DNMT3A: variants seen among roughly 807,000 people sequenced by gnomAD.
DNMT3A encodes DNA methyltransferase 3 alpha, also known as DNA (cytosine-5)-methyltransferase 3A.
Under a neutral mutation model 117.6 loss-of-function variants are expected in DNMT3A, and 267 were observed. The ratio of observed to expected loss-of-function variants is 2.27; its 90% confidence interval spans 2.05 to 2.51. The LOEUF (loss-of-function observed/expected upper bound fraction) is 2.51, where lower values mean the gene tolerates loss of function less well. Ranked by LOEUF, DNMT3A falls within the 30% of genes most tolerant of loss-of-function variation. The pLI is 0.00. For synonymous variants in DNMT3A, 432 were observed against 474.8 expected (o/e 0.91, Z 1.17); for missense variants, 1,029 against 1,260.2 (o/e 0.82, Z 2.78).
rs1462197698 is a variant in DNMT3A, at chr2:25,296,780, G to A, written c.177+3359C>T. Among the ~76,000 whole-genome samples, 1 of 152,208 alleles carries A rather than the reference G, an allele frequency of 6.6e-6. No homozygotes were observed. The highest frequency in any genetic ancestry group is 1.5e-5 in the Non-Finnish European group (1 of 68,030). On this transcript the variant is annotated intron_variant, in intron 3 of 22. Transcript: ENST00000321117. This position sits in a 1 kb window ranked among gnomAD's most constrained non-coding sequence, Gnocchi z 4.2. ...TGAAGGCCAAGACAGACAGTCCTTG[G>A]GGGCAAAAGGAGGAGAGAGCCCAGG...
rs562237584 is a variant in DNMT3A, at chr2:25,327,691, C to G, written c.-177-13530G>C. On this transcript the variant is annotated intron_variant, in intron 1 of 22. Transcript: ENST00000321117. The surrounding 1 kb of genome is among the most constrained non-coding windows in gnomAD (Gnocchi z 4.1). Reference sequence around the variant, plus strand: ...AGACACCTGGGCATAAGTTAACATACGCCTCCTACTGCCAGGGGCTCCAGC... The same window carrying G: ...AGACACCTGGGCATAAGTTAACATAGGCCTCCTACTGCCAGGGGCTCCAGC... Among the ~76,000 whole-genome samples, 2 of 152,224 alleles carry G rather than the reference C, an allele frequency of 1.3e-5. No homozygotes were observed. Among genetic ancestry groups the G allele is most frequent in the African/African-American group, 4.8e-5 (2 of 41,442 alleles).
intron 3 of DNMT3A, among the ~76,000 whole-genome samples, chr2:25,297,386 C>T (rs550983251): frequency 2.0e-5 from 3 of 152,290 alleles, no homozygotes; most frequent in South Asian, 4.1e-4. Context: ...CGGGATGCGC[C>T]CCGCCTCCCA....
intron 1 of DNMT3A, among the ~76,000 whole-genome samples, chr2:25,320,033 G>A (rs1320537333): frequency 6.6e-6 from 1 of 152,216 alleles, no homozygotes; most frequent in Non-Finnish European, 1.5e-5. Flanking sequence ...GCCTCCCAAA[G>A]TCCTGGGATT....
rs1380382383 is a variant in DNMT3A at position 25,252,457 on chromosome 2, G to T, written c.640-4205C>A. The T allele has an allele frequency of 2.4e-6, 1 of 408,884 alleles. No homozygotes were observed. The allele number at this position is 408,884 out of a possible 1,614,324, so 25.3% of individuals were successfully genotyped here. ...AGGGGGCCGGCGCTCCGACGCTGGC[G>T]CTGGGCCAGCCCCTCTTCTCCGGTC... On this transcript the variant is annotated intron_variant, in intron 6 of 22. Coordinates refer to ENST00000321117, the MANE Select transcript of DNMT3A (RefSeq NM_022552.5). This position sits in a 1 kb window ranked among gnomAD's most constrained non-coding sequence, Gnocchi z 5.5.
At chr2:25,318,483 G>A (rs1202091484) in intron 1 of DNMT3A, among the ~76,000 whole-genome samples, 3 of 151,244 alleles carry the variant, frequency 2.0e-5, no homozygotes, top group Non-Finnish European at 4.4e-5. Context: ...GACAGCTTTC[G>A]CCATGTTGGC....
chr2:25,235,392 C>T (rs1177967052), intron 22 of DNMT3A, among the ~76,000 whole-genome samples: 2 of 151,980 alleles, frequency 1.3e-5, no homozygotes, highest in Admixed American at 1.3e-4. Context: ...GCCATGTTGG[C>T]CAGGCTGGTC....
intron 3 of DNMT3A, among the ~76,000 whole-genome samples, chr2:25,284,022 G>T (rs2149381732): frequency 6.6e-6 from 1 of 152,338 alleles, no homozygotes; most frequent in Non-Finnish European, 1.5e-5. Context: ...CCATCCAGAG[G>T]CAAGTGGGCC....
chr2:25,288,043 C>T (rs1478194752), intron 3 of DNMT3A, among the ~76,000 whole-genome samples: 1 of 151,542 alleles, frequency 6.6e-6, no homozygotes, highest in Non-Finnish European at 1.5e-5. Context: ...ACCATGTTGT[C>T]CAGGCTGGAT....
intron 20 of DNMT3A, among the ~76,000 whole-genome samples, chr2:25,238,399 C>T (rs1166056989): frequency 1.3e-5 from 2 of 152,152 alleles, no homozygotes; most frequent in African/African-American, 4.8e-5. Flanking sequence ...ACCAAGTATA[C>T]CAAGCAGCCC....
chr2:25,284,931 A>C (rs751344558), intron 3 of DNMT3A, among the ~76,000 whole-genome samples: 25 of 152,060 alleles, frequency 1.6e-4, no homozygotes, highest in Non-Finnish European at 3.2e-4. Context: ...TTGCTTTTTC[A>C]CTTAACAAGC....
intron 1 of DNMT3A, among the ~76,000 whole-genome samples, chr2:25,324,621 A>G (rs547169788): frequency 5.7e-4 from 87 of 152,228 alleles, no homozygotes; most frequent in Middle Eastern, 3.4e-3. Context: ...CCCCTGCCCA[A>G]TCATCTGCTA....
Position 25,282,364 on chromosome 2 carries a change from G to T in DNMT3A, c.448+77C>A, listed in dbSNP as rs1402773994. ...ACCCAGACCATCCTTCCTGGGACCT[G>T]CTGGAGAGCCAAGTCCCTGACTCTC... is the stretch of plus-strand genomic sequence containing the variant. On this transcript the variant is annotated intron_variant, in intron 4 of 22. Coordinates refer to ENST00000321117, the MANE Select transcript of DNMT3A (RefSeq NM_022552.5). This position sits in a 1 kb window ranked among gnomAD's most constrained non-coding sequence, Gnocchi z 5.2. 7 of 1,549,742 alleles carry T rather than the reference G, an allele frequency of 4.5e-6. 1 individual carries two copies. The highest frequency in any genetic ancestry group is 2.1e-4 in the Middle Eastern group (1 of 4,796).
At position 25,294,494 on chromosome 2, in the gene DNMT3A, G is replaced by T. The variant is rs547112392; in HGVS notation, c.177+5645C>A. 3.3e-5 allele frequency among the ~76,000 whole-genome samples: 5 copies of T among 152,258 alleles called. No homozygotes were observed. The South Asian group carries it at 1.0e-3, about 32-fold the overall frequency. On this transcript the variant is annotated intron_variant, in intron 3 of 22. Coordinates refer to ENST00000321117, the MANE Select transcript of DNMT3A (RefSeq NM_022552.5). The surrounding 1 kb of genome is among the most constrained non-coding windows in gnomAD (Gnocchi z 4.7). Reference sequence around the variant, plus strand: ...GCCAAGGGCTGCAGCCCAGGAGTGGGAGACACGATGTCAGGAAGTTATATG... The same window carrying T: ...GCCAAGGGCTGCAGCCCAGGAGTGGTAGACACGATGTCAGGAAGTTATATG...
intron 6 of DNMT3A, among the ~76,000 whole-genome samples, chr2:25,271,925 G>A (rs2030942217): frequency 6.6e-6 from 1 of 152,206 alleles, no homozygotes; most frequent in African/African-American, 2.4e-5. Flanking sequence ...TGATGGCAAT[G>A]GGAGGTCGTT....
Position 25,337,084 on chromosome 2 carries a change from C to T in DNMT3A, c.-178+4742G>A, listed in dbSNP as rs577217020. 1.3e-5 allele frequency among the ~76,000 whole-genome samples: 2 copies of T among 152,284 alleles called. No homozygotes were observed. The highest frequency in any genetic ancestry group is 3.9e-4 in the East Asian group (2 of 5,186). On this transcript the variant is annotated intron_variant, in intron 1 of 22. Transcript: ENST00000321117. The surrounding 1 kb of genome is among the most constrained non-coding windows in gnomAD (Gnocchi z 5.0). ...CATCTCTGGAAAATGGAAGCGAATA[C>T]GGTGGGAAAGTGCTGCTGCACTCAA...
At position 25,286,285 on chromosome 2, in the gene DNMT3A, C is replaced by T. The variant is rs2032303902; in HGVS notation, c.178-3574G>A. On this transcript the variant is annotated intron_variant, in intron 3 of 22. Transcript: ENST00000321117. This position sits in a 1 kb window ranked among gnomAD's most constrained non-coding sequence, Gnocchi z 4.3. ...TGCACAAGAGTAAGCCCTGCCCTGG[C>T]CTTGCCCGCGGACCCCAGTCTGCAA... 1.3e-5 allele frequency among the ~76,000 whole-genome samples: 2 copies of T among 152,238 alleles called. No homozygotes were observed. Among genetic ancestry groups the T allele is most frequent in the Admixed American group, 6.5e-5 (1 of 15,284 alleles).
intron 1 of DNMT3A, among the ~76,000 whole-genome samples, chr2:25,318,657 T>G (rs966278867): frequency 4.6e-5 from 7 of 152,144 alleles, no homozygotes; most frequent in Non-Finnish European, 7.3e-5. Flanking sequence ...AATTATCATT[T>G]AAGTGTGAGA....
intron 6 of DNMT3A, among the ~76,000 whole-genome samples, chr2:25,272,497 C>T (rs1256681922): frequency 6.6e-6 from 1 of 152,176 alleles, no homozygotes; most frequent in African/African-American, 2.4e-5. Flanking sequence ...AAGCTTCTTG[C>T]CCCAGGGCTA....
intron 13 of DNMT3A, 66 bp from the exon 14 acceptor site, chr2:25,244,718 G>C (rs1329690577): frequency 7.2e-7 from 1 of 1,397,134 alleles, no homozygotes; most frequent in South Asian, 1.2e-5. Flanking sequence ...GACGAAGGGA[G>C]GCTCCACACC....
Sources: allele counts gnomAD v4.1 joint callset (sites outside exome capture counted in the v4.1 genomes callset), GRCh38; gene constraint gnomAD v4.1.1; non-coding constraint Gnocchi (gnomAD v3.1); transcripts MANE v1.5; gene names NCBI Gene and HGNC (gene_info 2026-07-23, HGNC 2026-07-21).